The following FHIT variants were observed in gnomAD, a reference collection of about 807,000 sequenced individuals.
The protein encoded by FHIT is bis(5'-adenosyl)-triphosphatase.
FHIT carries 19 observed loss-of-function variants against 17.9 expected under a neutral mutation model. The ratio of observed to expected loss-of-function variants is 1.06; its 90% confidence interval spans 0.74 to 1.56. The LOEUF is 1.56. FHIT is among the 40% of genes most tolerant of loss of function. The pLI is 0.00. For synonymous variants in FHIT, 81 were observed against 69.7 expected, an observed-to-expected ratio of 1.16 and a Z score of -0.81; for missense variants, 248 against 189.2, an observed-to-expected ratio of 1.31 and a Z score of -1.82.
intron 8 of FHIT, among the ~76,000 whole-genome samples, chr3:59,898,971 C>A (rs577426942): frequency 2.0e-5 from 3 of 152,100 alleles, no homozygotes; most frequent in Non-Finnish European, 4.4e-5. Context: ...TAGTGAGATG[C>A]TAAGGGGCAA....
intron 5 of FHIT, among the ~76,000 whole-genome samples, chr3:60,027,128 C>CA (rs1575919810): frequency 3.1e-5 from 4 of 126,998 alleles, no homozygotes; most frequent in Non-Finnish European, 6.5e-5. Context: ...CACACACACA[C>CA]ACACACACAC....
intron 5 of FHIT, among the ~76,000 whole-genome samples, chr3:60,209,645 C>G (rs902824759): frequency 6.6e-6 from 1 of 152,114 alleles, no homozygotes; most frequent in African/African-American, 2.4e-5. Context: ...GAGTGAAAAA[C>G]CATTCAATAG....
At chr3:60,727,859 C>T (rs916244135) in intron 4 of FHIT, among the ~76,000 whole-genome samples, 1 of 152,118 alleles carries the variant, frequency 6.6e-6, no homozygotes, top group Non-Finnish European at 1.5e-5. Context: ...AAAAAATTAG[C>T]TGGGCATGGT....
chr3:60,717,921 G>T lies in FHIT; in HGVS notation c.-18+103998C>A, dbSNP rs568925660. 7.2e-5 allele frequency among the ~76,000 whole-genome samples: 11 copies of T among 152,248 alleles called. No individual in the cohort carries two copies. The South Asian group carries it at 1.2e-3, about 17-fold the overall frequency. ...TGAAGACAACACACACACGGCTTAG[G>T]ATACTCAGGCATCATTTGGACAGAG... On this transcript the variant is annotated intron_variant, in intron 4 of 9. Transcript: ENST00000492590.
intron 8 of FHIT, among the ~76,000 whole-genome samples, chr3:59,857,026 G>A (rs759970295): frequency 1.3e-5 from 2 of 152,106 alleles, no homozygotes; most frequent in African/African-American, 2.4e-5. Context: ...TGTAACAATC[G>A]CAGTCTCTGA....
At chr3:60,818,292 T>C (rs556439243) in intron 4 of FHIT, among the ~76,000 whole-genome samples, 2 of 152,304 alleles carry the variant, frequency 1.3e-5, no homozygotes, top group African/African-American at 4.8e-5. Context: ...GGTTTCCATA[T>C]AGCGTGTAAT....
chr3:60,747,382 G>C (rs180683494), intron 4 of FHIT, among the ~76,000 whole-genome samples: 8 of 152,284 alleles, frequency 5.3e-5, no homozygotes, highest in African/African-American at 1.9e-4. Context: ...ATCATAATTA[G>C]ATAGTGTGCA....
chr3:59,776,092 G>A (rs1449568247), intron 8 of FHIT, among the ~76,000 whole-genome samples: 1 of 152,246 alleles, frequency 6.6e-6, no homozygotes, highest in African/African-American at 2.4e-5. Context: ...GTCCACAGGA[G>A]TTAAATGAGC....
intron 5 of FHIT, among the ~76,000 whole-genome samples, chr3:60,020,616 A>C (rs950785850): frequency 3.3e-5 from 5 of 152,308 alleles, no homozygotes; most frequent in African/African-American, 9.6e-5. Flanking sequence ...TGTGTAGTTT[A>C]GTGATAAGCA....
intron 5 of FHIT, among the ~76,000 whole-genome samples, chr3:60,051,631 AG>A (rs1263618213): frequency 1.3e-5 from 2 of 152,084 alleles, no homozygotes; most frequent in Non-Finnish European, 1.5e-5. Flanking sequence ...TGGAAATCTG[AG>A]TATCTATATC....
intron 5 of FHIT, among the ~76,000 whole-genome samples, chr3:60,058,442 T>C (rs1227620810): frequency 1.3e-5 from 2 of 152,202 alleles, no homozygotes; most frequent in Non-Finnish European, 2.9e-5. Flanking sequence ...ACAGAGTTTC[T>C]ATTTGAGATG....
At chr3:60,643,999 A>G (rs946495616) in intron 4 of FHIT, among the ~76,000 whole-genome samples, 9 of 152,218 alleles carry the variant, frequency 5.9e-5, no homozygotes, top group African/African-American at 2.2e-4. Flanking sequence ...GCCACTGTGA[A>G]ATTTACAACA....
At chr3:60,605,331 C>T (rs554072858) in intron 4 of FHIT, among the ~76,000 whole-genome samples, 10 of 152,272 alleles carry the variant, frequency 6.6e-5, no homozygotes, top group African/African-American at 2.2e-4. Flanking sequence ...TACTTAACTA[C>T]TCATGGCTCA....
At chr3:60,470,495 C>T (rs1025436302) in intron 5 of FHIT, among the ~76,000 whole-genome samples, 5 of 151,810 alleles carry the variant, frequency 3.3e-5, no homozygotes, top group African/African-American at 9.7e-5. Flanking sequence ...ACCACTGCTC[C>T]GGGCACATGG....
At chr3:59,824,394 T>C (rs1244063530) in intron 8 of FHIT, among the ~76,000 whole-genome samples, 5 of 152,242 alleles carry the variant, frequency 3.3e-5, no homozygotes, top group Admixed American at 3.3e-4. Context: ...TGAGAACTGA[T>C]GTGTATATTG....
At chr3:60,420,499 G>A (rs1702427171) in intron 5 of FHIT, among the ~76,000 whole-genome samples, 1 of 152,016 alleles carries the variant, frequency 6.6e-6, no homozygotes, top group Non-Finnish European at 1.5e-5. Context: ...CAGCCAAACT[G>A]CTAAGCAATA....
chr3:59,814,189 T>C (rs900034262), intron 8 of FHIT, among the ~76,000 whole-genome samples: 5 of 152,204 alleles, frequency 3.3e-5, no homozygotes, highest in African/African-American at 1.2e-4. Flanking sequence ...TATTCACAGC[T>C]TCAGAATTAA....
intron 4 of FHIT, among the ~76,000 whole-genome samples, chr3:60,683,313 C>T (rs545909360): frequency 6.6e-6 from 1 of 152,232 alleles, no homozygotes; most frequent in South Asian, 2.1e-4. Flanking sequence ...AGAAGTCATT[C>T]GTGAAAGCAA....
chr3:61,088,494 T>A (rs1361641622), intron 2 of FHIT, among the ~76,000 whole-genome samples: 2 of 152,152 alleles, frequency 1.3e-5, no homozygotes, highest in African/African-American at 4.8e-5. Flanking sequence ...TTGCTTTCTA[T>A]GAAGATAAAG....
Sources: allele counts gnomAD v4.1 joint callset (sites outside exome capture counted in the v4.1 genomes callset), GRCh38; gene constraint gnomAD v4.1.1; transcripts MANE v1.5; gene names NCBI Gene and HGNC (gene_info 2026-07-23, HGNC 2026-07-21).